Variants in GGTA1 observed in about 807,000 individuals in gnomAD.
The protein encoded by GGTA1 is inactive N-acetyllactosaminide alpha-1,3-galactosyltransferase.
A neutral mutation model predicts 2.6 loss-of-function variants in GGTA1; 5 were observed. The ratio of observed to expected loss-of-function variants is 1.92; its 90% CI spans 1.00 to 4.04. GGTA1 has a LOEUF of 4.04. Ranked by LOEUF, GGTA1 falls within the 30% of genes most tolerant of loss-of-function variation. The pLI, the probability that GGTA1 is intolerant of heterozygous loss-of-function variation, is 0.00. For missense variants in GGTA1, 50 were observed against 16.7 expected, an observed-to-expected ratio of 2.99 and a Z score of -3.47; for synonymous variants, 17 against 5.0, an observed-to-expected ratio of 3.38 and a Z score of -3.19.
chr9:121,498,264 T>C (rs1337281207), intron 1 of GGTA1, among the ~76,000 whole-genome samples: 1 of 152,220 alleles, frequency 6.6e-6, no homozygotes, highest in East Asian at 1.9e-4. Flanking sequence ...GGGCAATCCC[T>C]AGGGACTCGT....
At chr9:121,471,407 A>T (rs184545673) in intron 1 of GGTA1, among the ~76,000 whole-genome samples, 18 of 152,354 alleles carry the variant, frequency 1.2e-4, no homozygotes, top group Admixed American at 1.0e-3. Flanking sequence ...GAGGCACTCC[A>T]TTAATGTTTG....
At chr9:121,485,998 G>A (rs531133270) in intron 1 of GGTA1, among the ~76,000 whole-genome samples, 1 of 152,262 alleles carries the variant, frequency 6.6e-6, no homozygotes, top group Non-Finnish European at 1.5e-5. Context: ...ATAGATTCTT[G>A]CATTCTCTAG....
At chr9:121,446,680 C>A (rs960491727) in exon 8 of GGTA1, 1 of 152,134 alleles carries the variant, frequency 6.6e-6, no homozygotes, top group Non-Finnish European at 1.5e-5. Flanking sequence ...GATAGTATTT[C>A]CCCCAAACCC....
chr9:121,475,385 G>A (rs1019834585), intron 1 of GGTA1, among the ~76,000 whole-genome samples: 4 of 152,198 alleles, frequency 2.6e-5, no homozygotes, highest in African/African-American at 4.8e-5. Context: ...CCTCAGGGCT[G>A]CTCTGCCTAT....
chr9:121,477,783 T>C (rs141487503), intron 1 of GGTA1, among the ~76,000 whole-genome samples: 2,467 of 152,056 alleles, frequency 0.016, 64 homozygotes, highest in African/African-American at 0.056. Context: ...TTTCACCATG[T>C]TGGCCATGAT....
At chr9:121,446,637 C>G (rs1035077990) in exon 8 of GGTA1, 1 of 152,190 alleles carries the variant, frequency 6.6e-6, no homozygotes, top group African/African-American at 2.4e-5. Flanking sequence ...CTGGCTTTAT[C>G]TCTGCCTATG....
chr9:121,456,392 C>G (rs962481648), intron 5 of GGTA1, among the ~76,000 whole-genome samples: 1 of 152,052 alleles, frequency 6.6e-6, no homozygotes, highest in African/African-American at 2.4e-5. Flanking sequence ...CATTTTGGTA[C>G]CCAAGGGGTG....
chr9:121,468,453 T>G (rs1046617178), intron 1 of GGTA1, among the ~76,000 whole-genome samples: 2 of 152,244 alleles, frequency 1.3e-5, no homozygotes, highest in African/African-American at 2.4e-5. Flanking sequence ...AAGTCTTTGC[T>G]ATAGTGAATA....
At chr9:121,494,239 C>T (rs529007472) in intron 1 of GGTA1, among the ~76,000 whole-genome samples, 50 of 152,310 alleles carry the variant, frequency 3.3e-4, no homozygotes, top group Non-Finnish European at 5.3e-4. Context: ...TGCCCTGTGG[C>T]ACAAAATTTG....
At chr9:121,485,662 G>T (rs936025645) in intron 1 of GGTA1, among the ~76,000 whole-genome samples, 1 of 152,140 alleles carries the variant, frequency 6.6e-6, no homozygotes, top group Non-Finnish European at 1.5e-5. Context: ...GCCCACTCCC[G>T]CTCAGTGCTA....
intron 2 of GGTA1, among the ~76,000 whole-genome samples, chr9:121,463,667 G>A (rs2064979119): frequency 1.3e-5 from 2 of 152,152 alleles, no homozygotes; most frequent in South Asian, 4.1e-4. Context: ...GGGATTACAG[G>A]TGTGAGTCAT....
At chr9:121,447,845 G>A (rs961936226) in intron 7 of GGTA1, among the ~76,000 whole-genome samples, 2 of 152,120 alleles carry the variant, frequency 1.3e-5, no homozygotes, top group Non-Finnish European at 2.9e-5. Flanking sequence ...CACTCAGTCC[G>A]TGGGGAGCTG....
chr9:121,469,817 G>T (rs187267547), intron 1 of GGTA1, among the ~76,000 whole-genome samples: 112 of 152,260 alleles, frequency 7.4e-4, no homozygotes, highest in African/African-American at 2.2e-3. Flanking sequence ...GCACACCCCA[G>T]GAGGCAATAT....
chr9:121,457,658 G>A (rs1314553442), intron 5 of GGTA1, among the ~76,000 whole-genome samples: 2 of 146,722 alleles, frequency 1.4e-5, no homozygotes, highest in African/African-American at 2.5e-5. Flanking sequence ...CCGAGATTGC[G>A]CCACTGCACT....
intron 2 of GGTA1, among the ~76,000 whole-genome samples, chr9:121,465,314 C>T (rs1477644815): frequency 6.6e-6 from 1 of 152,254 alleles, no homozygotes; most frequent in East Asian, 1.9e-4. Context: ...ATTCCGACTC[C>T]AGGCAGGAAC....
At chr9:121,453,159 T>C (rs1165236588), downstream of GGTA1, among the ~76,000 whole-genome samples, 1 of 152,216 alleles carries the variant, frequency 6.6e-6, no homozygotes, top group Non-Finnish European at 1.5e-5. Context: ...ATTCTGATGT[T>C]ACTGCTTACT....
chr9:121,480,061 C>CTTTTCTTTTCTTTTTTTTT (rs58602847), intron 1 of GGTA1, among the ~76,000 whole-genome samples: 10 of 139,826 alleles, frequency 7.2e-5, no homozygotes, highest in Non-Finnish European at 1.2e-4. Flanking sequence ...CTTTTCTTTT[C>CTTTTCTTTTCTTTTTTTTT]TTTTTTTTTT....
chr9:121,474,014 G>A (rs1564654718), intron 1 of GGTA1, among the ~76,000 whole-genome samples: 1 of 150,390 alleles, frequency 6.6e-6, no homozygotes, highest in African/African-American at 2.5e-5. Flanking sequence ...AAGAAACAAG[G>A]AAAGAAAGAA....
At position 121,485,247 on chromosome 9, in the gene GGTA1, C is replaced by T. The variant is rs140453072; in HGVS notation, c.-10+14403G>A. Among the ~76,000 whole-genome samples the T allele has an allele frequency of 1.1e-3, 165 of 152,216 alleles. 4 individuals are homozygous for T. In the East Asian group the frequency reaches 0.026, roughly 24 times the overall value. On this transcript the variant is annotated intron_variant, in intron 1 of 5. Transcript: ENST00000481799. ...CCACATGGGCCTACCTTCTCTGGCT[C>T]CCTTGCCCTCTGCTCAGTGCTGGCT...
Sources: gnomAD v4.1 joint callset for allele counts (sites outside exome capture counted in the v4.1 genomes callset) on GRCh38, gnomAD v4.1.1 for gene constraint, MANE v1.5 for transcripts, NCBI Gene and HGNC (gene_info 2026-07-23, HGNC 2026-07-21) for gene names.